The following MIAT variants were observed in gnomAD, a reference collection of about 807,000 sequenced individuals.
The protein encoded by MIAT is myocardial infarction associated transcript.
chr22:26,653,452 G>A (rs1057421813), intron 2 of MIAT, among the ~76,000 whole-genome samples: 6 of 152,052 alleles, frequency 3.9e-5, no homozygotes, highest in Admixed American at 6.6e-5. Context: ...TTGTAACAGC[G>A]AAACAGCAAA....
At chr22:26,651,979 C>T (rs1930343889) in intron 2 of MIAT, among the ~76,000 whole-genome samples, 1 of 152,168 alleles carries the variant, frequency 6.6e-6, no homozygotes, top group Admixed American at 6.5e-5. Context: ...GATGCGACTT[C>T]CCTTTCTTTT....
At chr22:26,655,376 C>T (rs576294834) in intron 2 of MIAT, among the ~76,000 whole-genome samples, 18 of 152,212 alleles carry the variant, frequency 1.2e-4, no homozygotes, top group Non-Finnish European at 2.5e-4. Context: ...ACCTGAGTGC[C>T]TTACGGTGTC....
At chr22:26,647,802 A>G (rs1032445149) in intron 2 of MIAT, among the ~76,000 whole-genome samples, 3 of 150,542 alleles carry the variant, frequency 2.0e-5, no homozygotes, top group Non-Finnish European at 3.0e-5. Context: ...GGCCAGGACC[A>G]TGGTGGTGGT....
intron 2 of MIAT, among the ~76,000 whole-genome samples, chr22:26,652,332 ATCTC>A (rs1009469541): frequency 1.3e-5 from 2 of 149,506 alleles, no homozygotes; most frequent in South Asian, 2.1e-4. Flanking sequence ...TGAATTTCCT[ATCTC>A]TCTCTCTCTT....
intron 2 of MIAT, among the ~76,000 whole-genome samples, chr22:26,655,839 G>A (rs1930423753): frequency 6.6e-6 from 1 of 152,042 alleles, no homozygotes; most frequent in South Asian, 2.1e-4. Flanking sequence ...ACACCGCCAG[G>A]CCTGGCTAAT....
exon 1 of MIAT, chr22:26,646,484 A>T (rs1469161011): frequency 2.5e-6 from 1 of 398,828 alleles, no homozygotes; most frequent in Non-Finnish European, 4.4e-6. Flanking sequence ...GGGGTTGCTG[A>T]CCAGGTGGAA....
chr22:26,657,580 G>T, intron 2 of MIAT: 2 of 398,798 alleles, frequency 5.0e-6, no homozygotes, highest in East Asian at 3.6e-5. Flanking sequence ...GCTTGCAGGG[G>T]CTCCCCCAGT....
At chr22:26,671,061 A>G (rs952805733), downstream of MIAT, 1 of 398,372 alleles carries the variant, frequency 2.5e-6, no homozygotes, top group African/African-American at 2.1e-5. Flanking sequence ...CACGGTTGTC[A>G]GATCTTTTGC....
exon 4 of MIAT, chr22:26,666,403 G>A (rs756481860): frequency 7.5e-6 from 3 of 398,554 alleles, no homozygotes; most frequent in Admixed American, 4.4e-5. Flanking sequence ...AATAACTGAG[G>A]CTGGGCAGAA....
intron 3 of MIAT, among the ~76,000 whole-genome samples, chr22:26,664,841 C>T (rs545804771): frequency 6.6e-5 from 10 of 152,320 alleles, no homozygotes; most frequent in Admixed American, 5.9e-4. Context: ...ATTTCTGGAA[C>T]ATAAATATCA....
chr22:26,652,604 C>A (rs746984838), intron 2 of MIAT, among the ~76,000 whole-genome samples: 2 of 152,148 alleles, frequency 1.3e-5, no homozygotes, highest in African/African-American at 4.8e-5. Context: ...GATCTGCCCC[C>A]CTCGGCCTCC....
At chr22:26,646,710 C>T in exon 1 of MIAT, 2 of 398,594 alleles carry the variant, frequency 5.0e-6, no homozygotes, top group Admixed American at 4.4e-5. Flanking sequence ...TAGCATTTAT[C>T]CCAGAACCTG....
chr22:26,649,790 G>A (rs1344543005), intron 2 of MIAT, among the ~76,000 whole-genome samples: 1 of 152,252 alleles, frequency 6.6e-6, no homozygotes, highest in African/African-American at 2.4e-5. Flanking sequence ...GCATGCGCCT[G>A]TAGTCCCAGC....
intron 2 of MIAT, among the ~76,000 whole-genome samples, chr22:26,661,783 G>C (rs1930670891): frequency 6.6e-6 from 1 of 150,606 alleles, no homozygotes; most frequent in Non-Finnish European, 1.5e-5. Context: ...AAACTGAACA[G>C]AGATGATTTA....
exon 1 of MIAT, chr22:26,646,560 C>T: frequency 2.5e-6 from 1 of 398,666 alleles, no homozygotes; most frequent in East Asian, 3.6e-5. Context: ...CGGCCAGGAT[C>T]TGGATGCAGA....
At chr22:26,668,648 G>A (rs1165494234) in exon 6 of MIAT, 2 of 399,170 alleles carry the variant, frequency 5.0e-6, no homozygotes, top group East Asian at 7.1e-5. Flanking sequence ...AGTCGGGGAG[G>A]GGCTGTCAGG....
rs544145021 is a variant in MIAT at position 26,652,610 on chromosome 22, C to T, written n.646+5299C>T. ...TGATCTTGTGATCTGCCCCCCTCGG[C>T]CTCCCAAAGTGCTAGGATTACAGGC... On this transcript the variant is annotated intron_variant and non_coding_transcript_variant, in intron 2 of 5. Coordinates refer to ENST00000643270, the Ensembl canonical transcript of MIAT. 3.9e-5 allele frequency among the ~76,000 whole-genome samples: 6 copies of T among 152,276 alleles called. No homozygotes were observed. The South Asian group carries it at 1.2e-3, about 32-fold the overall frequency.
chr22:26,655,849 T>C (rs981639631), intron 2 of MIAT, among the ~76,000 whole-genome samples: 7 of 152,060 alleles, frequency 4.6e-5, no homozygotes, highest in African/African-American at 1.7e-4. Flanking sequence ...GCCTGGCTAA[T>C]TTTTTTGTAT....
chr22:26,647,317 C>T (rs1930250216), intron 2 of MIAT: 1 of 258,522 alleles, frequency 3.9e-6, no homozygotes, highest in Non-Finnish European at 7.1e-6. Flanking sequence ...AAAAAGTAGG[C>T]TTCTCCCATG....
Sources: gnomAD v4.1 joint callset for allele counts (sites outside exome capture counted in the v4.1 genomes callset) on GRCh38, gnomAD v4.1.1 for gene constraint, MANE v1.5 for transcripts, NCBI Gene and HGNC (gene_info 2026-07-23, HGNC 2026-07-21) for gene names.